Variants in ENPP5 observed in about 807,000 individuals in gnomAD.
ENPP5 encodes the protein ectonucleotide pyrophosphatase/phosphodiesterase family member 5.
A neutral mutation model predicts 33.7 loss-of-function variants in ENPP5; 27 were observed. The ratio of observed to expected loss-of-function variants is 0.80; its 90% CI spans 0.59 to 1.11. The LOEUF (loss-of-function observed/expected upper bound fraction) is 1.11. Among genes scored for constraint, ENPP5 ranks in the 50% least tolerant of loss-of-function variants. The pLI is 0.00. For synonymous variants in ENPP5, 199 were observed against 200.5 expected (o/e 0.99, Z 0.06); for missense variants, 552 against 579.2 (o/e 0.95, Z 0.48).
At chr6:46,166,840 A>G (rs1209413059) in intron 3 of ENPP5, among the ~76,000 whole-genome samples, 3 of 152,130 alleles carry the variant, frequency 2.0e-5, no homozygotes, top group Non-Finnish European at 4.4e-5. Context: ...AGGATGTTAA[A>G]CCTTTTGAGG....
In ENPP5 at chr6:46,165,458, C is replaced by T. The variant is rs150393588; in HGVS notation, c.935G>A (p.Arg312Gln). The change falls in exon 4 of 5, where the codon CGA becomes CAA. Residue 312 changes from arginine to glutamine, a missense_variant. Physicochemically the swap from Arg to Gln is conservative, Grantham distance 43. Coordinates refer to ENST00000371383, the MANE Select transcript of ENPP5 (RefSeq NM_001290072.2). Reference sequence around the variant, plus strand: ...AGCCACTGCTATGATTGGTTGAATTCGACTGTTGTATTTGTAATGCCACCT... The same window carrying T: ...AGCCACTGCTATGATTGGTTGAATTTGACTGTTGTATTTGTAATGCCACCT... Reference protein sequence around the residue: ...PERWHYKYNSRIQPIIAVADE... With the variant: ...PERWHYKYNSQIQPIIAVADE... 190 of 1,610,840 alleles carry T rather than the reference C, an allele frequency of 1.2e-4. No homozygotes were observed. In the African/African-American group the frequency reaches 1.9e-3, roughly 16 times the overall value.
chr6:46,168,204 G>GT lies in ENPP5; in HGVS notation c.58dup (p.Thr20AsnfsTer17). 6.2e-7 allele frequency: 1 copy of GT among 1,610,656 alleles called. No individual in the cohort carries two copies. The highest frequency in any genetic ancestry group is 1.1e-5 in the South Asian group (1 of 90,712). On this transcript the variant is annotated frameshift_variant, in exon 3 of 5. Coordinates refer to ENST00000371383, the MANE Select transcript of ENPP5 (RefSeq NM_001290072.2). LOFTEE classifies it high-confidence loss of function. ...TTGCTGGTCTGGTTGGAGAGAAAAGGTGGTTGAAAGACTCAGTGCAGCAAG... is the reference window on the plus strand; with the variant it reads ...TTGCTGGTCTGGTTGGAGAGAAAAGGTTGGTTGAAAGACTCAGTGCAGCAAG...
intron 4 of ENPP5, 92 bp from the exon 5 acceptor site, chr6:46,161,845 T>C: frequency 1.2e-6 from 1 of 868,066 alleles, no homozygotes; most frequent in Non-Finnish European, 1.8e-6. Context: ...TAAATGCACA[T>C]CTTATCTAGT....
chr6:46,165,615 C>T, intron 3 of ENPP5, 52 bp from the exon 4 acceptor site: 1 of 1,318,232 alleles, frequency 7.6e-7, no homozygotes, highest in African/African-American at 1.5e-5. Context: ...TAGCTACCAT[C>T]AGCCATGGGC....
In ENPP5 at chr6:46,160,154, CAA is replaced by C. The variant is rs1472485278; in HGVS notation, c.*1170_*1171del. The C allele has an allele frequency of 6.6e-6, 1 of 152,306 alleles. No individual in the cohort carries two copies. Among genetic ancestry groups the C allele is most frequent in the African/African-American group, 2.4e-5 (1 of 41,576 alleles). The allele number at this position is 152,306 out of a possible 1,614,324, so 9.4% of individuals were successfully genotyped here. ...TCCCGTGTTTTGATACCTGTTACCACAAAGAGTTATTTTGCTGCTTTTTCTAG... is the reference window on the plus strand; with the variant it reads ...TCCCGTGTTTTGATACCTGTTACCACAGAGTTATTTTGCTGCTTTTTCTAG... On this transcript the variant is annotated 3_prime_UTR_variant, in exon 5 of 5. Coordinates refer to ENST00000371383, the MANE Select transcript of ENPP5 (RefSeq NM_001290072.2).
chr6:46,161,398 A>G lies in ENPP5; in HGVS notation c.1362T>C (p.His454=). The G allele has an allele frequency of 6.2e-7, 1 of 1,613,794 alleles. No homozygotes were observed. The highest frequency in any genetic ancestry group is 8.5e-7 in the Non-Finnish European group (1 of 1,179,728). Residue 454 remains histidine (H), a synonymous_variant, in exon 5 of 5, where the codon CAT becomes CAC. Transcript: ENST00000371383. ...VIVFFVIFIK[H]LIHSQIPALQ... is the part of the protein sequence containing the mutation. ...AGGCAGGTATTTGACTGTGAATTAA[A>G]TGCTTAATGAAAATTACAAAAAATA...
rs1311561404 is a variant in ENPP5, at chr6:46,167,801, G to A, written c.462C>T (p.Tyr154=). The change falls in exon 3 of 5, where the codon TAC becomes TAT. Residue 154 remains tyrosine, a synonymous_variant. Coordinates refer to ENST00000371383, the MANE Select transcript of ENPP5 (RefSeq NM_001290072.2). ...VKIHKRFPTH[Y]MPYNESVSFE... ...ATGAAACTGACTCATTGTAAGGCAT[G>A]TAATGAGTAGGAAAGCGCTTATGTA... 1.2e-6 allele frequency: 2 copies of A among 1,613,854 alleles called. No homozygotes were observed. The highest frequency in any genetic ancestry group is 1.3e-5 in the African/African-American group (1 of 74,918).
chr6:46,165,101 G>A (rs796232898), intron 4 of ENPP5: 15 of 245,216 alleles, frequency 6.1e-5, no homozygotes, highest in African/African-American at 3.4e-4. Context: ...TGAGTCACGA[G>A]CACACTACAA....
chr6:46,168,413 A>C (rs1283393393), intron 2 of ENPP5, 116 bp from the exon 3 acceptor site: 3 of 498,964 alleles, frequency 6.0e-6, no homozygotes, highest in African/African-American at 5.8e-5. Flanking sequence ...ACAGCCTGGA[A>C]GAATTATGTC....
rs1045290791 is a variant in ENPP5 at position 46,170,047 on chromosome 6, A to G, written c.-36+6T>C. The stretch of plus-strand genomic sequence containing the variant: ...CAAATAGGTTACTGCAAATATATTT[A>G]CTCACCTATCTGGCTATGGATGGTA... On this transcript the variant is annotated splice_donor_region_variant and intron_variant, in intron 2 of 4. Coordinates refer to ENST00000371383, the MANE Select transcript of ENPP5 (RefSeq NM_001290072.2). The G allele has an allele frequency of 2.6e-5, 4 of 152,210 alleles. No individual in the cohort carries two copies. The highest frequency in any genetic ancestry group is 2.6e-4 in the Admixed American group (4 of 15,280). 9.4% of individuals were successfully genotyped at this position (152,210 alleles called of 1,614,324 possible). A position where few individuals can be genotyped will look rare whatever the true frequency, so the allele number is the denominator to read the frequency against.
chr6:46,168,940 A>T (rs1401107016), intron 2 of ENPP5, among the ~76,000 whole-genome samples: 2 of 151,892 alleles, frequency 1.3e-5, no homozygotes, highest in Non-Finnish European at 2.9e-5. Context: ...TTCATTTATT[A>T]ATAATCAAAT....
intron 3 of ENPP5, among the ~76,000 whole-genome samples, chr6:46,167,154 A>G (rs1764571230): frequency 6.6e-6 from 1 of 152,212 alleles, no homozygotes. Flanking sequence ...AAGGGAGGCT[A>G]TAGCTTTCAT....
At chr6:46,163,537 G>A (rs1260040377) in intron 4 of ENPP5, among the ~76,000 whole-genome samples, 1 of 151,938 alleles carries the variant, frequency 6.6e-6, no homozygotes, top group African/African-American at 2.4e-5. Flanking sequence ...CCTTTGTAGG[G>A]CATGTATACC....
At position 46,167,610 on chromosome 6, in the gene ENPP5, A is replaced by C. The variant is rs780649920; in HGVS notation, c.653T>G (p.Leu218Arg). 6.2e-7 allele frequency: 1 copy of C among 1,614,240 alleles called. No individual in the cohort carries two copies. Among genetic ancestry groups the C allele is most frequent in the Non-Finnish European group, 8.5e-7 (1 of 1,180,048 alleles). Residue 218 changes from leucine to arginine, a missense_variant, in exon 3 of 5, where the codon CTC (leucine) becomes CGC (arginine). By Grantham distance (102) the Leu-to-Arg change is moderately radical. Transcript: ENST00000371383. ...CTTTGCCTTTTTCAGCATTTGTATG[A>C]GATATCCTAACTTCTTGTCAATATC... ...ISDIDKKLGYLIQMLKKAKLW... is the reference protein window; with the variant it reads ...ISDIDKKLGYRIQMLKKAKLW...
chr6:46,166,777 A>G (rs777381435), intron 3 of ENPP5, among the ~76,000 whole-genome samples: 1 of 152,200 alleles, frequency 6.6e-6, no homozygotes, highest in Non-Finnish European at 1.5e-5. Context: ...GCAAAGTGAT[A>G]AAATATGTCA....
Position 46,167,751 on chromosome 6 carries a change from A to G in ENPP5, c.512T>C (p.Ile171Thr). Residue 171 changes from isoleucine to threonine, a missense_variant, in exon 3 of 5, where the codon ATT becomes ACT. Ile to Thr is a moderately conservative substitution (Grantham distance 89, BLOSUM62 -1). Coordinates refer to ENST00000371383, the MANE Select transcript of ENPP5 (RefSeq NM_001290072.2). The stretch of plus-strand genomic sequence containing the variant: ...GGGCTCTTTTGACGTAAACCATTCA[A>G]TAATTTTGGCAACTCTATCTTCAAA... Reference protein sequence around the residue: ...VSFEDRVAKIIEWFTSKEPIN... With the variant: ...VSFEDRVAKITEWFTSKEPIN... 1.2e-6 allele frequency: 2 copies of G among 1,614,156 alleles called. No homozygotes were observed.
chr6:46,170,307 A>G (rs1049222946), intron 1 of ENPP5, among the ~76,000 whole-genome samples, 193 bp from the exon 2 acceptor site: 2 of 152,118 alleles, frequency 1.3e-5, no homozygotes, highest in African/African-American at 4.8e-5. Context: ...AAGCTTAGGA[A>G]TGTTTGGCAA....
chr6:46,164,234 G>T lies in ENPP5; in HGVS notation c.1006+1153C>A, dbSNP rs545569665. Among the ~76,000 whole-genome samples, 172 of 152,064 alleles carry T rather than the reference G, an allele frequency of 1.1e-3. 1 individual carries two copies. Among genetic ancestry groups the T allele is most frequent in the African/African-American group, 3.8e-3 (156 of 41,468 alleles). On this transcript the variant is annotated intron_variant, in intron 4 of 4. Transcript: ENST00000371383. ...CTAATATCCAGAATCTACAATGAACGCAAACAAATTTACAAGAAAAAAACA... is the reference window on the plus strand; with the variant it reads ...CTAATATCCAGAATCTACAATGAACTCAAACAAATTTACAAGAAAAAAACA...
At chr6:46,164,707 A>G (rs907530953) in intron 4 of ENPP5, among the ~76,000 whole-genome samples, 1 of 149,910 alleles carries the variant, frequency 6.7e-6, no homozygotes, top group African/African-American at 2.5e-5. Flanking sequence ...ATGGATCATT[A>G]TCTGTATGTA....
Sources: gnomAD v4.1 joint callset for allele counts (sites outside exome capture counted in the v4.1 genomes callset) on GRCh38, gnomAD v4.1.1 for gene constraint, MANE v1.5 for transcripts, NCBI Gene and HGNC (gene_info 2026-07-23, HGNC 2026-07-21) for gene names.